Variants in MPP3 observed in about 807,000 individuals in gnomAD.
MPP3 encodes the protein MAGUK p55 subfamily member 3.
In MPP3, 48 loss-of-function variants were observed where a neutral mutation model predicts 80.7. The observed-to-expected ratio is 0.59, with a 90% CI of 0.47 to 0.76. MPP3 has a LOEUF of 0.76. Among genes scored for constraint, MPP3 ranks in the 30% least tolerant of loss-of-function variants. The pLI is 0.00. For synonymous variants in MPP3, 311 were observed against 297.6 expected (o/e 1.04, Z -0.46); for missense variants, 620 against 763.0 (o/e 0.81, Z 2.21).
chr17:43,815,661 A>T (rs1240531675), intron 14 of MPP3: 4 of 384,602 alleles, frequency 1.0e-5, no homozygotes, highest in South Asian at 2.2e-5. Flanking sequence ...GACCTTTGAA[A>T]AAACTGACCA....
chr17:43,822,769 C>G (rs2045526408), intron 10 of MPP3, among the ~76,000 whole-genome samples: 1 of 150,814 alleles, frequency 6.6e-6, no homozygotes, highest in Admixed American at 6.6e-5. Flanking sequence ...CTGGACCATT[C>G]AGTGCAGCCT....
intron 13 of MPP3, 105 bp from the exon 14 acceptor site, chr17:43,816,184 G>A (rs1598340977): frequency 4.1e-6 from 4 of 969,622 alleles, no homozygotes; most frequent in East Asian, 5.9e-5. Context: ...CCCTGGGATG[G>A]TGTCTCGTGG....
rs137911787 is a variant in MPP3, at chr17:43,826,860, C to T, written c.523+891G>A. 1.7e-3 allele frequency among the ~76,000 whole-genome samples: 239 copies of T among 138,674 alleles called. 1 individual carries two copies. The highest frequency in any genetic ancestry group is 6.3e-3 in the African/African-American group (215 of 34,162). 91.0% of individuals were successfully genotyped at this position (138,674 alleles called of 152,430 possible). The stretch of plus-strand genomic sequence containing the variant: ...TTTTTTTTTTCTTTTTTTTTTGAGA[C>T]GGTCTCACTGCGTCGCCCACTCTAG... On this transcript the variant is annotated intron_variant, in intron 8 of 19. Transcript: ENST00000398389.
chr17:43,809,369 C>T (rs958549304), intron 18 of MPP3, among the ~76,000 whole-genome samples: 3 of 152,156 alleles, frequency 2.0e-5, no homozygotes, highest in East Asian at 3.8e-4. Flanking sequence ...CTGACTCCTC[C>T]GGCTATAATT....
In MPP3 at chr17:43,801,783, T is replaced by C. The variant is rs2044417619; in HGVS notation, c.1676A>G (p.Gln559Arg). 1 of 1,614,058 alleles carries C rather than the reference T, an allele frequency of 6.2e-7. No individual in the cohort carries two copies. The highest frequency in any genetic ancestry group is 8.5e-7 in the Non-Finnish European group (1 of 1,180,030). ...CACTTTGAGCTGGCTGTAGGCACCC[T>C]GGAGATCCTCCTTCACCAGCACGGC... ...VDAVLVKEDL[Q>R]GAYSQLKVVL... The change falls in exon 20 of 20, where the codon CAG becomes CGG. Residue 559 changes from glutamine (Q) to arginine (R), a missense_variant. Coordinates refer to ENST00000398389, the MANE Select transcript of MPP3 (RefSeq NM_001932.6).
At chr17:43,817,326 T>C (rs1350417151) in intron 12 of MPP3, among the ~76,000 whole-genome samples, 1 of 152,182 alleles carries the variant, frequency 6.6e-6, no homozygotes, top group Admixed American at 6.5e-5. Flanking sequence ...TATTCCCAGC[T>C]TAGAAAAGAT....
Position 43,816,086 on chromosome 17 carries a change from AG to A in MPP3, c.968-8del. 6.6e-7 allele frequency: 1 copy of A among 1,508,282 alleles called. No individual in the cohort carries two copies. The highest frequency in any genetic ancestry group is 8.8e-7 in the Non-Finnish European group (1 of 1,134,058). The allele number at this position is 1,508,282 out of a possible 1,614,324, so 93.4% of individuals were successfully genotyped here. On this transcript the variant is annotated splice_polypyrimidine_tract_variant and splice_region_variant and intron_variant, in intron 13 of 19. Transcript: ENST00000398389. Reference sequence around the variant, plus strand: ...CCCTCACAGTCACAGGTCTCTGGGAAGCAAACAGAGGGAGGGAAGCCAGTGA... The same window carrying A: ...CCCTCACAGTCACAGGTCTCTGGGAACAAACAGAGGGAGGGAAGCCAGTGA...
intron 12 of MPP3, among the ~76,000 whole-genome samples, chr17:43,817,642 GC>G (rs755571668): frequency 6.6e-5 from 10 of 152,190 alleles, no homozygotes; most frequent in Non-Finnish European, 1.5e-4. Flanking sequence ...CAATCTGGCA[GC>G]CCTACCAGAG....
chr17:43,814,679 T>C, intron 14 of MPP3: 1 of 242,592 alleles, frequency 4.1e-6, no homozygotes. Flanking sequence ...AACTACTATG[T>C]GTGGTCCTAG....
rs977265506 is a variant in MPP3, at chr17:43,803,103, G to A, written c.1582-1226C>T. On this transcript the variant is annotated intron_variant, in intron 19 of 19. Coordinates refer to ENST00000398389, the MANE Select transcript of MPP3 (RefSeq NM_001932.6). ...ATTCTATATAGAATATTCTTGCAGG[G>A]CTACTTTCATACTCAGAAGCCCTAT... is the stretch of plus-strand genomic sequence containing the variant. 2.6e-5 allele frequency among the ~76,000 whole-genome samples: 4 copies of A among 152,178 alleles called. No individual in the cohort carries two copies. In the South Asian group the frequency reaches 8.3e-4, roughly 32 times the overall value.
intron 11 of MPP3, among the ~76,000 whole-genome samples, chr17:43,820,639 C>CACACACAT (rs796095687): frequency 9.1e-4 from 133 of 145,358 alleles, no homozygotes; most frequent in African/African-American, 3.0e-3. Context: ...CACACACACA[C>CACACACAT]ATTAACTTAA....
intron 3 of MPP3, 58 bp from the exon 4 acceptor site, chr17:43,831,735 G>A (rs575308523): frequency 4.9e-5 from 72 of 1,469,922 alleles, no homozygotes; most frequent in Non-Finnish European, 6.5e-5. Context: ...CCCTGCCCCC[G>A]AGGAGCCCGA....
intron 5 of MPP3, 45 bp downstream of exon 5, chr17:43,831,199 G>T (rs774261544): frequency 2.6e-6 from 4 of 1,563,174 alleles, no homozygotes; most frequent in Admixed American, 1.7e-5. Context: ...AGCCCTACAG[G>T]GTGGGGAGTG....
chr17:43,807,002 T>C (rs1046173775), intron 19 of MPP3, among the ~76,000 whole-genome samples: 4 of 151,998 alleles, frequency 2.6e-5, no homozygotes, highest in Admixed American at 2.0e-4. Context: ...GATGGAGTCT[T>C]GCTCTGTCAC....
chr17:43,807,621 GGAGA>G (rs1178256922), intron 19 of MPP3, among the ~76,000 whole-genome samples: 1 of 151,952 alleles, frequency 6.6e-6, no homozygotes, highest in Non-Finnish European at 1.5e-5. Context: ...ACCTGGCCAA[GGAGA>G]GAATTTCTAA....
intron 19 of MPP3, among the ~76,000 whole-genome samples, chr17:43,807,783 C>T (rs554710116): frequency 2.2e-4 from 34 of 152,098 alleles, no homozygotes; most frequent in African/African-American, 8.0e-4. Context: ...CAGAGACACC[C>T]TGTCTCTATA....
intron 5 of MPP3, 87 bp downstream of exon 5, chr17:43,831,157 C>T: frequency 1.6e-6 from 2 of 1,257,438 alleles, no homozygotes; most frequent in Non-Finnish European, 2.3e-6. Flanking sequence ...TTCCCGGTGT[C>T]CCCACACTAA....
chr17:43,820,639 C>CACACACACACACACACACAA (rs796095687), intron 11 of MPP3, among the ~76,000 whole-genome samples: 1 of 145,312 alleles, frequency 6.9e-6, no homozygotes, highest in Non-Finnish European at 1.5e-5. Flanking sequence ...CACACACACA[C>CACACACACACACACACACAA]ATTAACTTAA....
intron 18 of MPP3, among the ~76,000 whole-genome samples, chr17:43,810,304 T>C (rs767973049): frequency 2.6e-5 from 4 of 151,770 alleles, no homozygotes; most frequent in African/African-American, 4.8e-5. Flanking sequence ...TGTGCAGGAG[T>C]GGAAATGTTT....
Sources: gnomAD v4.1 joint callset for allele counts (sites outside exome capture counted in the v4.1 genomes callset) on GRCh38, gnomAD v4.1.1 for gene constraint, MANE v1.5 for transcripts, NCBI Gene and HGNC (gene_info 2026-07-23, HGNC 2026-07-21) for gene names.